ST3GAL6: variants seen among roughly 807,000 people sequenced by gnomAD.
ST3GAL6 encodes the protein type 2 lactosamine alpha-2,3-sialyltransferase.
In ST3GAL6, 31 loss-of-function variants were observed where a neutral mutation model predicts 40.5. The ratio of observed to expected loss-of-function variants is 0.77; its 90% CI spans 0.58 to 1.03. The LOEUF (loss-of-function observed/expected upper bound fraction) is 1.03. Among genes scored for constraint, ST3GAL6 ranks in the 50% least tolerant of loss-of-function variants. ST3GAL6 has a pLI of 0.00. For synonymous variants in ST3GAL6, 129 were observed against 136.9 expected, an observed-to-expected ratio of 0.94 and a Z score of 0.40; for missense variants, 357 against 393.2, an observed-to-expected ratio of 0.91 and a Z score of 0.78.
At chr3:98,749,894 A>G (rs1279656323) in intron 1 of ST3GAL6, among the ~76,000 whole-genome samples, 1 of 152,210 alleles carries the variant, frequency 6.6e-6, no homozygotes, top group South Asian at 2.1e-4. Context: ...GCAAAATATG[A>G]CCAAGCAATA....
rs1939156309 is a variant in ST3GAL6 at position 98,772,979 on chromosome 3, G to A, written c.271+63G>A. 1.7e-5 allele frequency: 17 copies of A among 1,017,710 alleles called. 1 individual carries two copies. The South Asian group carries it at 2.3e-4, about 14-fold the overall frequency. 63.0% of individuals were successfully genotyped at this position (1,017,710 alleles called of 1,614,324 possible). ...GAGTGGTGTTTGATGAGAATGGCAT[G>A]TTAATATAATTTTAAGGGCTTTTAT... On this transcript the variant is annotated intron_variant, in intron 4 of 9. Transcript: ENST00000483910.
At chr3:98,747,330 A>ATAT (rs906634397) in intron 1 of ST3GAL6, among the ~76,000 whole-genome samples, 12 of 152,138 alleles carry the variant, frequency 7.9e-5, no homozygotes, top group African/African-American at 2.9e-4. Context: ...TTTCTGTTTT[A>ATAT]TTTCCTTTTT....
At chr3:98,763,939 ACTCT>A (rs766886893) in intron 1 of ST3GAL6, among the ~76,000 whole-genome samples, 45 of 151,878 alleles carry the variant, frequency 3.0e-4, no homozygotes, top group Non-Finnish European at 4.4e-4. Flanking sequence ...GGCTCCTCAG[ACTCT>A]CTTTCTGTGG....
At chr3:98,782,774 G>T (rs915660698) in intron 5 of ST3GAL6, 2 of 515,690 alleles carry the variant, frequency 3.9e-6, no homozygotes, top group African/African-American at 1.9e-5. Context: ...AATCAACAAA[G>T]AATCTGAAGT....
intron 1 of ST3GAL6, among the ~76,000 whole-genome samples, chr3:98,738,805 C>T (rs924300911): frequency 1.3e-5 from 2 of 152,062 alleles, no homozygotes; most frequent in African/African-American, 4.8e-5. Flanking sequence ...ATAATCAAGG[C>T]CAAAAACTAA....
At chr3:98,760,597 A>T (rs1937651499), upstream of ST3GAL6, among the ~76,000 whole-genome samples, 1 of 152,146 alleles carries the variant, frequency 6.6e-6, no homozygotes. Context: ...TAATAATTTG[A>T]ACTGGTATAG....
intron 8 of ST3GAL6, among the ~76,000 whole-genome samples, chr3:98,790,098 A>G (rs964634074): frequency 6.6e-6 from 1 of 152,248 alleles, no homozygotes; most frequent in Non-Finnish European, 1.5e-5. Context: ...AAGCAGCAAC[A>G]AATCTTTAGT....
chr3:98,776,365 A>G (rs1939547327), intron 5 of ST3GAL6, among the ~76,000 whole-genome samples: 1 of 152,212 alleles, frequency 6.6e-6, no homozygotes, highest in Admixed American at 6.5e-5. Flanking sequence ...TTCTCTTCTC[A>G]GCCTGGGAAT....
intron 1 of ST3GAL6, chr3:98,756,417 A>C: frequency 7.8e-7 from 1 of 1,289,808 alleles, no homozygotes; most frequent in South Asian, 1.2e-5. Context: ...GATAATTTCT[A>C]ACAGAGAGGC....
At chr3:98,742,007 C>T (rs536853921) in intron 1 of ST3GAL6, among the ~76,000 whole-genome samples, 8 of 152,114 alleles carry the variant, frequency 5.3e-5, no homozygotes, top group Non-Finnish European at 1.0e-4. Flanking sequence ...TGTGTGGCCT[C>T]GAACCTTTCA....
intron 1 of ST3GAL6, among the ~76,000 whole-genome samples, chr3:98,755,724 G>T (rs564633825): frequency 6.6e-6 from 1 of 152,044 alleles, no homozygotes; most frequent in South Asian, 2.1e-4. Flanking sequence ...GTCCTAAAGA[G>T]CATGCATTTT....
At chr3:98,734,562 A>G (rs1020558032) in intron 1 of ST3GAL6, among the ~76,000 whole-genome samples, 3 of 152,154 alleles carry the variant, frequency 2.0e-5, no homozygotes, top group African/African-American at 7.2e-5. Context: ...CTATAGTTCC[A>G]CAATGTCTCA....
intron 6 of ST3GAL6, among the ~76,000 whole-genome samples, chr3:98,786,942 A>G (rs1025534455): frequency 3.0e-5 from 4 of 135,552 alleles, no homozygotes; most frequent in African/African-American, 1.1e-4. Context: ...AGATAAGGTC[A>G]TCATCTGGGA....
intron 1 of ST3GAL6, among the ~76,000 whole-genome samples, chr3:98,745,399 G>A (rs371776617): frequency 6.6e-6 from 1 of 152,170 alleles, no homozygotes; most frequent in African/African-American, 2.4e-5. Context: ...CAGTACTGTT[G>A]TGAAGTCCCC....
intron 1 of ST3GAL6, among the ~76,000 whole-genome samples, chr3:98,765,039 G>T (rs1281308476): frequency 6.6e-6 from 1 of 152,144 alleles, no homozygotes; most frequent in Non-Finnish European, 1.5e-5. Context: ...GAATCAAATT[G>T]GTGGATGCTG....
At chr3:98,755,987 T>TA (rs1937389175) in intron 1 of ST3GAL6, among the ~76,000 whole-genome samples, 1 of 152,174 alleles carries the variant, frequency 6.6e-6, no homozygotes, top group Non-Finnish European at 1.5e-5. Flanking sequence ...GAGAAATAGA[T>TA]ACTTCTCTCA....
upstream of ST3GAL6, chr3:98,762,860 C>G (rs1358517323): frequency 3.0e-6 from 3 of 985,172 alleles, no homozygotes; most frequent in East Asian, 3.4e-4. Context: ...GTGATTTCAT[C>G]CTTATGTGAA....
At chr3:98,765,539 G>A (rs1938235307) in intron 1 of ST3GAL6, among the ~76,000 whole-genome samples, 2 of 152,152 alleles carry the variant, frequency 1.3e-5, no homozygotes, top group African/African-American at 4.8e-5. Flanking sequence ...AAAGCAAAGT[G>A]AAACATTTGT....
At chr3:98,776,786 A>T (rs1342258021) in intron 5 of ST3GAL6, among the ~76,000 whole-genome samples, 1 of 152,188 alleles carries the variant, frequency 6.6e-6, no homozygotes, top group Non-Finnish European at 1.5e-5. Flanking sequence ...AAAGGGTCAG[A>T]TGTTGTTGGT....
Sources: allele counts gnomAD v4.1 joint callset (sites outside exome capture counted in the v4.1 genomes callset), GRCh38; gene constraint gnomAD v4.1.1; transcripts MANE v1.5; gene names NCBI Gene and HGNC (gene_info 2026-07-23, HGNC 2026-07-21).